ZFPM2: variants seen among roughly 807,000 people sequenced by gnomAD.
The protein encoded by ZFPM2 is zinc finger protein, FOG family member 2.
In ZFPM2, 20 loss-of-function variants were observed where a neutral mutation model predicts 98.6. The ratio of observed to expected loss-of-function variants is 0.20; its 90% CI spans 0.14 to 0.29. ZFPM2 has a LOEUF of 0.29. Ranked by LOEUF, ZFPM2 falls within the 10% of genes least tolerant of loss-of-function variation. The pLI, the probability that ZFPM2 is intolerant of heterozygous loss-of-function variation, is 1.00. For missense variants in ZFPM2, 1,310 were observed against 1,388.6 expected (o/e 0.94, Z 0.90); for synonymous variants, 518 against 502.7 (o/e 1.03, Z -0.41).
chr8:105,515,914 T>C (rs1366788369), intron 3 of ZFPM2, among the ~76,000 whole-genome samples: 5 of 73,608 alleles, frequency 6.8e-5, no homozygotes, highest in African/African-American at 3.0e-4. Flanking sequence ...ACAACTTCTT[T>C]TTTTTTTTTT....
chr8:105,333,251 A>G (rs1586297904), intron 1 of ZFPM2, among the ~76,000 whole-genome samples: 1 of 151,760 alleles, frequency 6.6e-6, no homozygotes, highest in Admixed American at 6.6e-5. Context: ...CGGATTTAAT[A>G]ACAACATCGT....
At chr8:105,559,123 T>A (rs1815068797) in intron 3 of ZFPM2, among the ~76,000 whole-genome samples, 1 of 152,162 alleles carries the variant, frequency 6.6e-6, no homozygotes, top group South Asian at 2.1e-4. Flanking sequence ...GGTCTGTCAT[T>A]CCAATGCATT....
chr8:105,497,156 T>C (rs938593243), intron 3 of ZFPM2, among the ~76,000 whole-genome samples: 1 of 151,818 alleles, frequency 6.6e-6, no homozygotes, highest in Non-Finnish European at 1.5e-5. Context: ...CAGCTAATTT[T>C]TTGTATTTTT....
At chr8:105,653,346 C>T (rs1420566666) in intron 5 of ZFPM2, among the ~76,000 whole-genome samples, 1 of 152,056 alleles carries the variant, frequency 6.6e-6, no homozygotes, top group African/African-American at 2.4e-5. Flanking sequence ...GTTGAATTGC[C>T]ACTATATGCC....
chr8:105,656,738 G>C (rs1817293917), intron 5 of ZFPM2, among the ~76,000 whole-genome samples: 1 of 152,162 alleles, frequency 6.6e-6, no homozygotes, highest in South Asian at 2.1e-4. Context: ...CTTCTGTTGA[G>C]ATGCTAACAG....
intron 5 of ZFPM2, among the ~76,000 whole-genome samples, chr8:105,736,489 C>T (rs754658059): frequency 1.3e-5 from 2 of 151,820 alleles, no homozygotes; most frequent in Non-Finnish European, 2.9e-5. Flanking sequence ...TTTCCCAATA[C>T]TTAGAACATA....
intron 5 of ZFPM2, among the ~76,000 whole-genome samples, chr8:105,775,077 TA>T (rs397968210): frequency 0.015 from 1,586 of 104,912 alleles, 15 homozygotes; most frequent in African/African-American, 0.031. Context: ...CTCTTGGAAT[TA>T]AAAAAAAAAA....
intron 1 of ZFPM2, among the ~76,000 whole-genome samples, chr8:105,379,275 C>T (rs116730201): frequency 0.017 from 2,605 of 152,042 alleles, 84 homozygotes; most frequent in African/African-American, 0.058. Flanking sequence ...TGCATATGAA[C>T]ATCAAGTTTT....
intron 3 of ZFPM2, among the ~76,000 whole-genome samples, chr8:105,495,065 A>T (rs1458747200): frequency 1.3e-5 from 2 of 152,220 alleles, no homozygotes; most frequent in African/African-American, 4.8e-5. Flanking sequence ...AAAAAAAGGC[A>T]GTGGTTGAGA....
At chr8:105,473,966 T>A (rs2130358861) in intron 3 of ZFPM2, among the ~76,000 whole-genome samples, 1 of 152,344 alleles carries the variant, frequency 6.6e-6, no homozygotes, top group East Asian at 1.9e-4. Flanking sequence ...TTGGAAAAGT[T>A]CCAAAGCACT....
At chr8:105,340,640 A>C (rs1023271354) in intron 1 of ZFPM2, among the ~76,000 whole-genome samples, 1 of 151,882 alleles carries the variant, frequency 6.6e-6, no homozygotes, top group Non-Finnish European at 1.5e-5. Flanking sequence ...TAATTAATAA[A>C]TTTATTTTGT....
intron 1 of ZFPM2, among the ~76,000 whole-genome samples, chr8:105,356,113 T>G (rs1812741928): frequency 6.6e-6 from 1 of 152,218 alleles, no homozygotes; most frequent in African/African-American, 2.4e-5. Context: ...ACACAGTGGT[T>G]AAACTTTCCA....
intron 1 of ZFPM2, among the ~76,000 whole-genome samples, chr8:105,355,917 G>A (rs1812737499): frequency 6.6e-6 from 1 of 152,174 alleles, no homozygotes; most frequent in Admixed American, 6.5e-5. Flanking sequence ...TAATGAACTG[G>A]TGAAAATGTA....
Position 105,441,482 on chromosome 8 carries a change from G to A in ZFPM2, c.200-2798G>A, listed in dbSNP as rs10096238. 5.2e-3 allele frequency among the ~76,000 whole-genome samples: 443 copies of A among 85,296 alleles called. 58 individuals carry two copies. Among genetic ancestry groups the A allele is most frequent in the African/African-American group, 0.012 (158 of 12,838 alleles). The allele number at this position is 85,296 out of a possible 152,430, so 56.0% of individuals were successfully genotyped here. On this transcript the variant is annotated intron_variant, in intron 2 of 7. Transcript: ENST00000407775. ...AGAAAGAAAGAAAGAAAGAAAGAAAGAAAGAAAGAAAGAAAGAAATCAAAG... is the reference window on the plus strand; with the variant it reads ...AGAAAGAAAGAAAGAAAGAAAGAAAAAAAGAAAGAAAGAAAGAAATCAAAG...
chr8:105,346,244 C>A (rs1351763424), intron 1 of ZFPM2, among the ~76,000 whole-genome samples: 1 of 151,648 alleles, frequency 6.6e-6, no homozygotes, highest in Non-Finnish European at 1.5e-5. Flanking sequence ...ATTAGCCGGG[C>A]GTGGTGGTGC....
At chr8:105,376,267 A>G (rs1178234498) in intron 1 of ZFPM2, among the ~76,000 whole-genome samples, 1 of 152,050 alleles carries the variant, frequency 6.6e-6, no homozygotes, top group Non-Finnish European at 1.5e-5. Context: ...TTCCCATTTG[A>G]ATGGCTACTT....
At chr8:105,561,263 T>G (rs1815128396) in intron 3 of ZFPM2, 100 bp from the exon 4 acceptor site, 2 of 873,410 alleles carry the variant, frequency 2.3e-6, no homozygotes, top group Non-Finnish European at 3.8e-6. Context: ...TTTATATGAA[T>G]CCTGAGAATA....
intron 2 of ZFPM2, among the ~76,000 whole-genome samples, chr8:105,441,268 G>C (rs180976434): frequency 6.6e-6 from 1 of 151,558 alleles, no homozygotes; most frequent in African/African-American, 2.4e-5. Flanking sequence ...TTCAAAAAGG[G>C]ACTGTCATTT....
rs5893754 is a variant in ZFPM2 at position 105,673,187 on chromosome 8, CTTTTT to C, written c.532+38846_532+38850del. Among the ~76,000 whole-genome samples, 6 of 87,526 alleles carry C rather than the reference CTTTTT, an allele frequency of 6.9e-5. No homozygotes were observed. In the South Asian group the frequency reaches 2.8e-3, roughly 41 times the overall value. 57.4% of individuals were successfully genotyped at this position (87,526 alleles called of 152,430 possible). A position where few individuals can be genotyped will look rare whatever the true frequency, so the allele number is the denominator to read the frequency against. ...TACTTCTATTTTTTCAAATAGCATG[CTTTTT>C]TTTTTTTTTTTTTTTACCGATCGTA... On this transcript the variant is annotated intron_variant, in intron 5 of 7. Transcript: ENST00000407775.
Sources: allele counts gnomAD v4.1 joint callset (sites outside exome capture counted in the v4.1 genomes callset), GRCh38; gene constraint gnomAD v4.1.1; transcripts MANE v1.5; gene names NCBI Gene and HGNC (gene_info 2026-07-23, HGNC 2026-07-21).